Variants in MAP3K7 observed in about 807,000 individuals in gnomAD.
The protein encoded by MAP3K7 is mitogen-activated protein kinase kinase kinase 7, also known as TGF-beta activated kinase 1.
MAP3K7 carries 21 observed loss-of-function variants against 84.8 expected under a neutral mutation model. That is an observed-to-expected ratio of 0.25 (90% CI 0.18 to 0.36). The LOEUF is 0.36. Ranked by LOEUF, MAP3K7 falls within the 10% of genes least tolerant of loss-of-function variation. MAP3K7 has a pLI of 1.00. For synonymous variants in MAP3K7, 241 were observed against 247.7 expected, an observed-to-expected ratio of 0.97 and a Z score of 0.25; for missense variants, 503 against 747.7, an observed-to-expected ratio of 0.67 and a Z score of 3.82.
At chr6:90,532,161 A>G (rs528432743) in intron 13 of MAP3K7, among the ~76,000 whole-genome samples, 3 of 152,224 alleles carry the variant, frequency 2.0e-5, no homozygotes, top group Non-Finnish European at 4.4e-5. Context: ...ATGTATATTA[A>G]TATCACTCAA....
chr6:90,539,823 C>A (rs1038587476), intron 12 of MAP3K7, among the ~76,000 whole-genome samples: 5 of 151,702 alleles, frequency 3.3e-5, no homozygotes, highest in African/African-American at 1.2e-4. Context: ...AGGAGGGCAA[C>A]AAGATACAAG....
chr6:90,562,795 C>A (rs543044669), intron 3 of MAP3K7, among the ~76,000 whole-genome samples: 3 of 152,344 alleles, frequency 2.0e-5, no homozygotes, highest in Non-Finnish European at 4.4e-5. Flanking sequence ...TCCCTGACCC[C>A]TGAGTAGCCT....
chr6:90,579,218 CT>C (rs1777186103), intron 1 of MAP3K7, among the ~76,000 whole-genome samples: 1 of 152,136 alleles, frequency 6.6e-6, no homozygotes, highest in Non-Finnish European at 1.5e-5. Context: ...CAGATTTTAG[CT>C]GTTTAGAAGG....
At chr6:90,573,613 C>T (rs936772952) in intron 1 of MAP3K7, among the ~76,000 whole-genome samples, 9 of 152,180 alleles carry the variant, frequency 5.9e-5, no homozygotes, top group African/African-American at 9.7e-5. Context: ...GCTTCTCATA[C>T]ATTAACACAT....
In MAP3K7 at chr6:90,515,011, G is replaced by A. The variant is rs1445152428; in HGVS notation, c.*1490C>T. 1 of 151,882 alleles carries A rather than the reference G, an allele frequency of 6.6e-6. No homozygotes were observed. The allele number at this position is 151,882 out of a possible 1,614,324, so 9.4% of individuals were successfully genotyped here. ...GAATTCATTACAAAACTCAGTGGTA[G>A]GAGGAAAAAATAATGGAAGAAAAAG... On this transcript the variant is annotated 3_prime_UTR_variant, in exon 17 of 17. Coordinates refer to ENST00000369329, the MANE Select transcript of MAP3K7 (RefSeq NM_145331.3).
At chr6:90,531,395 A>G (rs1215388367) in intron 13 of MAP3K7, among the ~76,000 whole-genome samples, 1 of 152,212 alleles carries the variant, frequency 6.6e-6, no homozygotes, top group African/African-American at 2.4e-5. Flanking sequence ...TTAAATGATG[A>G]CTTCTATGAT....
chr6:90,556,168 G>A (rs1776333433), intron 6 of MAP3K7, among the ~76,000 whole-genome samples: 1 of 152,240 alleles, frequency 6.6e-6, no homozygotes, highest in Admixed American at 6.5e-5. Flanking sequence ...CTGTCTGCGA[G>A]TACATGAAAG....
chr6:90,546,066 C>G (rs1368765005), intron 11 of MAP3K7, among the ~76,000 whole-genome samples: 1 of 152,130 alleles, frequency 6.6e-6, no homozygotes, highest in African/African-American at 2.4e-5. Flanking sequence ...CCAGTTACTT[C>G]AAGATCACAG....
Position 90,586,857 on chromosome 6 carries a change from G to A in MAP3K7, c.27C>T (p.Ser9=), listed in dbSNP as rs765267555. ...TCTCACCGGCCGAAGACGAGGAGGA[G>A]GAGGAGGCGGCAGAGGCTGTAGACA... The part of the protein sequence containing the change: MSTASAAS[S]SSSSSAGEMI... The change falls in exon 1 of 17, where the codon TCC becomes TCT. Residue 9 remains serine (S), a synonymous_variant. Coordinates refer to ENST00000369329, the MANE Select transcript of MAP3K7 (RefSeq NM_145331.3). 7 of 1,611,412 alleles carry A rather than the reference G, an allele frequency of 4.3e-6. No homozygotes were observed. In the Admixed American group the frequency reaches 6.7e-5, roughly 15 times the overall value.
At position 90,556,480 on chromosome 6, in the gene MAP3K7, C is replaced by G; in HGVS notation, c.607+20G>C. 1 of 1,606,442 alleles carries G rather than the reference C, an allele frequency of 6.2e-7. No individual in the cohort carries two copies. Among genetic ancestry groups the G allele is most frequent in the African/African-American group, 1.3e-5 (1 of 74,438 alleles). ...GGAGTGAGGGAGATTATCAAACATACCATACTTTTGCCATTTTACCTTCAA... is the reference window on the plus strand; with the variant it reads ...GGAGTGAGGGAGATTATCAAACATAGCATACTTTTGCCATTTTACCTTCAA... On this transcript the variant is annotated intron_variant, in intron 6 of 16. Coordinates refer to ENST00000369329, the MANE Select transcript of MAP3K7 (RefSeq NM_145331.3).
intron 6 of MAP3K7, among the ~76,000 whole-genome samples, chr6:90,554,374 G>A (rs10944489): frequency 0.036 from 5,425 of 152,190 alleles, 114 homozygotes; most frequent in African/African-American, 0.052. Context: ...TGTAAGTAAC[G>A]AAAATTATGG....
chr6:90,540,622 C>A (rs1380114271), intron 12 of MAP3K7, among the ~76,000 whole-genome samples: 1 of 151,838 alleles, frequency 6.6e-6, no homozygotes, highest in Admixed American at 6.6e-5. Flanking sequence ...ATGTATATGA[C>A]AGTATTTTTT....
intron 13 of MAP3K7, among the ~76,000 whole-genome samples, chr6:90,528,565 A>T (rs1775397504): frequency 1.3e-5 from 2 of 152,172 alleles, no homozygotes; most frequent in African/African-American, 4.8e-5. Flanking sequence ...AGGATAATAA[A>T]CAGTGACAGG....
intron 3 of MAP3K7, among the ~76,000 whole-genome samples, chr6:90,568,089 AG>A (rs1026019155): frequency 3.9e-4 from 6 of 15,362 alleles, no homozygotes; most frequent in African/African-American, 1.7e-3. Flanking sequence ...GGGAGGGATA[AG>A]CATTAGGAGA....
rs35123865 is a variant in MAP3K7, at chr6:90,550,599, A to T, written c.868-50T>A. 1.3e-3 allele frequency: 1,460 copies of T among 1,147,136 alleles called. 25 individuals are homozygous for T. The African/African-American group carries it at 0.02, about 16-fold the overall frequency. 71.1% of individuals were successfully genotyped at this position (1,147,136 alleles called of 1,614,324 possible). ...GCTTAAAATTTCCTTAATACAAATT[A>T]AATCCTGATTAATGTTTTATTTTCC... On this transcript the variant is annotated intron_variant, in intron 8 of 16. Coordinates refer to ENST00000369329, the MANE Select transcript of MAP3K7 (RefSeq NM_145331.3).
chr6:90,534,279 A>C (rs1775595862), intron 13 of MAP3K7, among the ~76,000 whole-genome samples: 1 of 152,166 alleles, frequency 6.6e-6, no homozygotes, highest in Non-Finnish European at 1.5e-5. Flanking sequence ...AGTAATTTAA[A>C]AGATTTAATG....
intron 11 of MAP3K7, among the ~76,000 whole-genome samples, chr6:90,546,441 G>C (rs1039955214): frequency 1.3e-5 from 2 of 152,068 alleles, no homozygotes; most frequent in East Asian, 1.9e-4. Flanking sequence ...TCTCTGAGTG[G>C]GGTAATTATG....
At chr6:90,517,874 C>G (rs979084602) in intron 16 of MAP3K7, among the ~76,000 whole-genome samples, 1 of 151,610 alleles carries the variant, frequency 6.6e-6, no homozygotes, top group Non-Finnish European at 1.5e-5. Context: ...TTAGTTACCA[C>G]CAACAATTCA....
intron 3 of MAP3K7, among the ~76,000 whole-genome samples, chr6:90,565,432 C>A (rs1776669854): frequency 6.6e-6 from 1 of 152,174 alleles, no homozygotes; most frequent in South Asian, 2.1e-4. Context: ...ATACTATAAA[C>A]ACCTCTATGA....
Sources: allele counts gnomAD v4.1 joint callset (sites outside exome capture counted in the v4.1 genomes callset), GRCh38; gene constraint gnomAD v4.1.1; transcripts MANE v1.5; gene names NCBI Gene and HGNC (gene_info 2026-07-23, HGNC 2026-07-21).